The following PHC3 variants were observed in gnomAD, a reference collection of about 807,000 sequenced individuals.
PHC3 encodes polyhomeotic-like protein 3.
In PHC3, 13 loss-of-function variants were observed where a neutral mutation model predicts 107.4. That is an observed-to-expected ratio of 0.12 (90% confidence interval 0.08 to 0.19). The LOEUF is 0.19. PHC3 is among the 10% of genes least tolerant of loss of function. PHC3 has a pLI of 1.00. For missense variants in PHC3, 992 were observed against 1,210.9 expected, an observed-to-expected ratio of 0.82 and a Z score of 2.68; for synonymous variants, 456 against 427.4, an observed-to-expected ratio of 1.07 and a Z score of -0.83.
chr3:170,166,314 G>C (rs536503022), intron 4 of PHC3, among the ~76,000 whole-genome samples: 1 of 152,192 alleles, frequency 6.6e-6, no homozygotes, highest in African/African-American at 2.4e-5. Context: ...AAAATGCTGG[G>C]ATTACAGGCG....
At chr3:170,126,604 C>T (rs577303789) in intron 8 of PHC3, among the ~76,000 whole-genome samples, 20 of 146,350 alleles carry the variant, frequency 1.4e-4, no homozygotes, top group Non-Finnish European at 2.8e-4. Flanking sequence ...TGCAGTGGTA[C>T]GATCTCAGCT....
chr3:170,114,393 A>AT (rs941968119), intron 10 of PHC3, among the ~76,000 whole-genome samples: 1 of 152,164 alleles, frequency 6.6e-6, no homozygotes, highest in African/African-American at 2.4e-5. Flanking sequence ...ACTAATTAAG[A>AT]TTTTTCATGC....
At chr3:170,124,593 G>A (rs779635814) in intron 8 of PHC3, among the ~76,000 whole-genome samples, 3 of 151,630 alleles carry the variant, frequency 2.0e-5, no homozygotes, top group Non-Finnish European at 4.4e-5. Flanking sequence ...TCAAACTCCT[G>A]GGCTCAAGTG....
chr3:170,125,304 GA>G (rs1322219074), intron 8 of PHC3, among the ~76,000 whole-genome samples: 2 of 152,026 alleles, frequency 1.3e-5, no homozygotes, highest in Middle Eastern at 3.4e-3. Context: ...GGGGGGTTAA[GA>G]AAAAAAATCT....
At chr3:170,119,036 T>TAAAAAAAAAAAAAAAAAAACA (rs1002478959) in intron 9 of PHC3, among the ~76,000 whole-genome samples, 3 of 72,666 alleles carry the variant, frequency 4.1e-5, no homozygotes, top group Non-Finnish European at 5.9e-5. Context: ...TATAAAAAGC[T>TAAAAAAAAAAAAAAAAAAACA]AAAAAAAAAA....
At chr3:170,098,391 G>A (rs1475526233) in intron 14 of PHC3, among the ~76,000 whole-genome samples, 2 of 151,986 alleles carry the variant, frequency 1.3e-5, no homozygotes, top group African/African-American at 4.8e-5. Flanking sequence ...AGCATTCTAA[G>A]GGAAAACACA....
At chr3:170,127,531 T>C (rs1342769257) in intron 8 of PHC3, among the ~76,000 whole-genome samples, 3 of 152,144 alleles carry the variant, frequency 2.0e-5, no homozygotes, top group Non-Finnish European at 4.4e-5. Context: ...TTAAGATCAG[T>C]AAGAATGACA....
intron 9 of PHC3, among the ~76,000 whole-genome samples, chr3:170,119,046 AAAAAAAAAAGAAAAAG>A (rs1343109063): frequency 6.6e-6 from 1 of 151,340 alleles, no homozygotes; most frequent in Non-Finnish European, 1.5e-5. Context: ...TAAAAAAAAA[AAAAAAAAAAGAAAAAG>A]AAAAGAAAAG....
intron 11 of PHC3, among the ~76,000 whole-genome samples, chr3:170,111,263 AAGG>A (rs1560033032): frequency 0.037 from 946 of 25,360 alleles, 24 homozygotes; most frequent in East Asian, 0.17. Flanking sequence ...AAACAAGAAG[AAGG>A]AAGGAAGGAA....
At chr3:170,166,699 CTGT>C (rs1728801346) in intron 4 of PHC3, among the ~76,000 whole-genome samples, 1 of 152,104 alleles carries the variant, frequency 6.6e-6, no homozygotes, top group Non-Finnish European at 1.5e-5. Flanking sequence ...GGGCCTCATA[CTGT>C]TGCCCAGGCT....
At chr3:170,119,693 GAT>G (rs1350207441) in intron 9 of PHC3, among the ~76,000 whole-genome samples, 2 of 152,138 alleles carry the variant, frequency 1.3e-5, no homozygotes, top group Non-Finnish European at 2.9e-5. Flanking sequence ...CTGAGCAAGA[GAT>G]GTGAGATTTT....
intron 1 of PHC3, 114 bp from the exon 2 acceptor site, chr3:170,179,052 A>C: frequency 1.0e-6 from 1 of 996,388 alleles, no homozygotes; most frequent in Non-Finnish European, 1.5e-6. Context: ...GAAGGCTCTC[A>C]TAAAAGACAG....
intron 4 of PHC3, among the ~76,000 whole-genome samples, chr3:170,159,578 A>G (rs1298037728): frequency 6.6e-6 from 1 of 152,218 alleles, no homozygotes; most frequent in African/African-American, 2.4e-5. Flanking sequence ...GGATTTGTTC[A>G]GTTTCACATA....
intron 10 of PHC3, among the ~76,000 whole-genome samples, chr3:170,114,165 G>T (rs141296662): frequency 6.6e-6 from 1 of 152,032 alleles, no homozygotes; most frequent in East Asian, 1.9e-4. Flanking sequence ...ATGTGCCACC[G>T]CGCCTGGCTA....
chr3:170,123,155 A>G (rs568169968), intron 8 of PHC3, among the ~76,000 whole-genome samples: 1 of 152,324 alleles, frequency 6.6e-6, no homozygotes, highest in Non-Finnish European at 1.5e-5. Context: ...CTACAATGAC[A>G]CACTATATTA....
At chr3:170,102,754 T>C (rs377473463) in intron 13 of PHC3, 44 bp from the exon 14 acceptor site, 1 of 1,613,156 alleles carries the variant, frequency 6.2e-7, no homozygotes, top group Non-Finnish European at 8.5e-7. Context: ...GCACTTTCCT[T>C]GCATTTCTGA....
chr3:170,165,589 A>G (rs2108706244), intron 4 of PHC3, among the ~76,000 whole-genome samples: 1 of 151,884 alleles, frequency 6.6e-6, no homozygotes, highest in East Asian at 1.9e-4. Flanking sequence ...CCCCGTCTCT[A>G]CTAAAAATAC....
At chr3:170,149,363 G>A in intron 4 of PHC3, 119 bp from the exon 5 acceptor site, 2 of 905,122 alleles carry the variant, frequency 2.2e-6, no homozygotes, top group Non-Finnish European at 1.6e-6. Flanking sequence ...GAACCCAAAG[G>A]AGAAGCCTTT....
rs184937954 is a variant in PHC3 at position 170,136,673 on chromosome 3, C to A, written c.673-8G>T. ...TAATGTTAAATTCTGAACCTAAGAA[C>A]CACATAACAGAAAATTAGGATGAAA... On this transcript the variant is annotated splice_region_variant and splice_polypyrimidine_tract_variant and intron_variant, in intron 6 of 14. Coordinates refer to ENST00000495893, the MANE Select transcript of PHC3 (RefSeq NM_024947.4). The A allele has an allele frequency of 2.5e-6, 4 of 1,611,606 alleles. No homozygotes were observed. The African/African-American group carries it at 5.3e-5, about 21-fold the overall frequency.
Sources: allele counts gnomAD v4.1 joint callset (sites outside exome capture counted in the v4.1 genomes callset), GRCh38; gene constraint gnomAD v4.1.1; transcripts MANE v1.5; gene names NCBI Gene and HGNC (gene_info 2026-07-23, HGNC 2026-07-21).